The following FOXN3 variants were observed in gnomAD, a reference collection of about 807,000 sequenced individuals.
The protein encoded by FOXN3 is forkhead box N3, also known as forkhead box protein N3.
A neutral mutation model predicts 38.4 loss-of-function variants in FOXN3; 7 were observed. That is an observed-to-expected ratio of 0.18 (90% CI 0.10 to 0.34). The LOEUF (loss-of-function observed/expected upper bound fraction) is 0.34. Ranked by LOEUF, FOXN3 falls within the 10% of genes least tolerant of loss-of-function variation. The pLI, the probability that FOXN3 is intolerant of heterozygous loss-of-function variation, is 1.00. For synonymous variants in FOXN3, 230 were observed against 242.2 expected (o/e 0.95, Z 0.47); for missense variants, 456 against 613.4 (o/e 0.74, Z 2.71).
At chr14:89,384,466 C>T (rs1890739493) in intron 2 of FOXN3, among the ~76,000 whole-genome samples, 1 of 152,180 alleles carries the variant, frequency 6.6e-6, no homozygotes, top group Admixed American at 6.5e-5. Context: ...CACAGACAAG[C>T]TACTTACTAT....
chr14:89,548,871 C>A lies in FOXN3; in HGVS notation c.-15+70157G>T, dbSNP rs939191175. 6.6e-6 allele frequency among the ~76,000 whole-genome samples: 1 copy of A among 152,148 alleles called. No homozygotes were observed. Among genetic ancestry groups the A allele is most frequent in the African/African-American group, 2.4e-5 (1 of 41,440 alleles). On this transcript the variant is annotated intron_variant, in intron 1 of 6. Coordinates refer to the FOXN3 transcript ENST00000345097. This position sits in a 1 kb window ranked among gnomAD's most constrained non-coding sequence, Gnocchi z 4.8. ...CGGTGGCTCACGCCTGTAATCCCAG[C>A]ACTTTTGGAGGCCAAGGCAGGTGGA... is the stretch of plus-strand genomic sequence containing the variant.
chr14:89,449,759 G>A (rs190431329), intron 1 of FOXN3, among the ~76,000 whole-genome samples: 10 of 152,140 alleles, frequency 6.6e-5, no homozygotes, highest in Non-Finnish European at 1.3e-4. Flanking sequence ...AACTCCCCAC[G>A]GAGGTCTGAC....
intron 4 of FOXN3, among the ~76,000 whole-genome samples, chr14:89,194,591 G>A (rs1268745753): frequency 6.6e-6 from 1 of 151,930 alleles, no homozygotes; most frequent in Non-Finnish European, 1.5e-5. Context: ...TGTCTTCAGA[G>A]CCAACAGCCT....
chr14:89,593,133 AGGAG>A (rs141729598), intron 1 of FOXN3, among the ~76,000 whole-genome samples: 89 of 126,796 alleles, frequency 7.0e-4, no homozygotes, highest in Non-Finnish European at 1.0e-3. Flanking sequence ...GAAGGAGGGA[AGGAG>A]GGAGGGAGGG....
In FOXN3 at chr14:89,207,223, A is replaced by C. The variant is rs1888408962; in HGVS notation, c.746-26417T>G. On this transcript the variant is annotated intron_variant, in intron 4 of 5. Transcript: ENST00000557258. ...CAAAAAGAGCAAAACTCTATCTCAA[A>C]CAAAACAAAATAAAGCAAAACAAAA... Among the ~76,000 whole-genome samples the C allele has an allele frequency of 2.0e-5, 3 of 152,262 alleles. No individual in the cohort carries two copies. The South Asian group carries it at 6.2e-4, about 32-fold the overall frequency.
At chr14:89,323,307 A>C (rs1365645644) in intron 3 of FOXN3, among the ~76,000 whole-genome samples, 1 of 150,878 alleles carries the variant, frequency 6.6e-6, no homozygotes, top group Non-Finnish European at 1.5e-5. Flanking sequence ...AAAAAAAAGA[A>C]AGAAAGAAAG....
intron 1 of FOXN3, among the ~76,000 whole-genome samples, chr14:89,452,201 G>A (rs530628519): frequency 1.1e-4 from 17 of 152,202 alleles, no homozygotes; most frequent in African/African-American, 2.9e-4. Context: ...TGTATCCTAC[G>A]GGGCAGAAGG....
intron 1 of FOXN3, among the ~76,000 whole-genome samples, chr14:89,463,807 G>A (rs1356324344): frequency 1.4e-5 from 2 of 146,638 alleles, no homozygotes; most frequent in Non-Finnish European, 3.0e-5. Flanking sequence ...TTTTTGAGAT[G>A]GAGTTGTGCT....
intron 3 of FOXN3, among the ~76,000 whole-genome samples, chr14:89,295,234 C>T (rs1014684299): frequency 1.9e-4 from 29 of 152,198 alleles, no homozygotes; most frequent in African/African-American, 6.5e-4. Flanking sequence ...ATGTTCAACT[C>T]GAATCCCAGG....
chr14:89,345,606 C>T (rs891543632), intron 3 of FOXN3, among the ~76,000 whole-genome samples: 1 of 152,064 alleles, frequency 6.6e-6, no homozygotes, highest in African/African-American at 2.4e-5. Flanking sequence ...GTCTTTTATC[C>T]TTAATCCCCC....
chr14:89,592,602 A>G (rs1379409999), intron 1 of FOXN3, among the ~76,000 whole-genome samples: 1 of 152,210 alleles, frequency 6.6e-6, no homozygotes, highest in Non-Finnish European at 1.5e-5. Context: ...AATACTGAGG[A>G]AAACTTATTT....
rs1033256623 is a variant in FOXN3, at chr14:89,256,481, G to C, written c.745+24469C>G. Among the ~76,000 whole-genome samples the C allele has an allele frequency of 1.4e-4, 21 of 152,164 alleles. No homozygotes were observed. In the South Asian group the frequency reaches 1.7e-3, roughly 12 times the overall value. ...GGTGGACGTCTATTTTGGTCACACA[G>C]CTGCAAACATATGATTTATGAAGAT... On this transcript the variant is annotated intron_variant, in intron 4 of 5. Transcript: ENST00000557258.
intron 3 of FOXN3, among the ~76,000 whole-genome samples, chr14:89,288,708 CTCTCTCTCTCTCTCTCTATATATATATA>C (rs1886740019): frequency 5.1e-4 from 42 of 81,790 alleles, no homozygotes; most frequent in Admixed American, 7.3e-4. Flanking sequence ...CTCTCTCTCT[CTCTCTCTCTCTCTCTCTATATATATATA>C]TATATATATA....
intron 2 of FOXN3, among the ~76,000 whole-genome samples, chr14:89,389,658 G>T (rs1890882183): frequency 6.6e-6 from 1 of 152,236 alleles, no homozygotes; most frequent in African/African-American, 2.4e-5. Flanking sequence ...AAATTGATCT[G>T]CTGGCTGGCA....
chr14:89,427,902 GATCA>G (rs1892074791), intron 1 of FOXN3, among the ~76,000 whole-genome samples: 1 of 151,720 alleles, frequency 6.6e-6, no homozygotes. Context: ...TAACTCTACA[GATCA>G]GTCAGAGAAA....
chr14:89,203,874 C>G (rs1227772794), intron 4 of FOXN3, among the ~76,000 whole-genome samples: 1 of 152,156 alleles, frequency 6.6e-6, no homozygotes, highest in Non-Finnish European at 1.5e-5. Context: ...GCAGGGACTT[C>G]TGCACGCCTT....
chr14:89,341,525 C>T (rs1271441669), intron 3 of FOXN3, among the ~76,000 whole-genome samples: 1 of 152,180 alleles, frequency 6.6e-6, no homozygotes, highest in Non-Finnish European at 1.5e-5. Context: ...TTATACTGCA[C>T]CTCTACTTCT....
chr14:89,444,159 A>C (rs1892448292), intron 1 of FOXN3, among the ~76,000 whole-genome samples: 1 of 152,092 alleles, frequency 6.6e-6, no homozygotes, highest in South Asian at 2.1e-4. Flanking sequence ...GGCATTATGA[A>C]AGTGGTATTT....
intron 3 of FOXN3, among the ~76,000 whole-genome samples, chr14:89,330,448 A>G (rs1362173074): frequency 6.6e-6 from 1 of 152,180 alleles, no homozygotes; most frequent in Non-Finnish European, 1.5e-5. Context: ...ATATCCAAAC[A>G]TGTGAAGCAA....
Sources: allele counts gnomAD v4.1 joint callset (sites outside exome capture counted in the v4.1 genomes callset), GRCh38; gene constraint gnomAD v4.1.1; non-coding constraint Gnocchi (gnomAD v3.1); transcripts MANE v1.5; gene names NCBI Gene and HGNC (gene_info 2026-07-23, HGNC 2026-07-21).